Variants in SMOX observed in about 807,000 individuals in gnomAD.
The protein encoded by SMOX is flavin containing amine oxidase.
Under a neutral mutation model 51.0 loss-of-function variants are expected in SMOX, and 22 were observed. The ratio of observed to expected loss-of-function variants is 0.43; its 90% confidence interval spans 0.31 to 0.62. The LOEUF is 0.62. SMOX is among the 20% of genes least tolerant of loss of function. The probability of loss-of-function intolerance (pLI) is 0.10; values close to 1 mark genes in which losing one functional copy is unlikely to be tolerated. For missense variants in SMOX, 566 were observed against 777.7 expected, an observed-to-expected ratio of 0.73 and a Z score of 3.24; for synonymous variants, 282 against 307.8, an observed-to-expected ratio of 0.92 and a Z score of 0.88.
intron 3 of SMOX, among the ~76,000 whole-genome samples, chr20:4,180,717 C>T (rs1259005011): frequency 6.6e-6 from 1 of 151,558 alleles, no homozygotes. Context: ...GGATTCCTGA[C>T]TGCTTCTCCA....
rs192617819 is a variant in SMOX, at chr20:4,164,778, G to A, written c.-26-10252G>A. Reference sequence around the variant, plus strand: ...CAGGAGACTTTTTTTCTAAGGAAGCGGGCAGCTGTGAGCACCATCGCCTGT... The same window carrying A: ...CAGGAGACTTTTTTTCTAAGGAAGCAGGCAGCTGTGAGCACCATCGCCTGT... On this transcript the variant is annotated intron_variant, in intron 1 of 6. Coordinates refer to ENST00000305958, the MANE Select transcript of SMOX (RefSeq NM_175839.3). Among the ~76,000 whole-genome samples the A allele has an allele frequency of 2.8e-4, 43 of 152,176 alleles. No individual in the cohort carries two copies. The East Asian group carries it at 7.0e-3, about 25-fold the overall frequency.
intron 1 of SMOX, among the ~76,000 whole-genome samples, chr20:4,160,684 G>A (rs992171658): frequency 6.6e-6 from 1 of 152,200 alleles, no homozygotes; most frequent in African/African-American, 2.4e-5. Flanking sequence ...GATCATGCAT[G>A]CCACCTTGGC....
chr20:4,175,008 G>A (rs777895051), intron 1 of SMOX, 22 bp from the exon 2 acceptor site: 1 of 1,607,764 alleles, frequency 6.2e-7, no homozygotes, highest in Non-Finnish European at 8.5e-7. Context: ...CCACTAAGCT[G>A]TGACACCTCC....
rs1978465884 is a variant in SMOX at position 4,172,361 on chromosome 20, C to T, written c.-26-2669C>T. ...CCCGGCCCGGCTGGCAGACATCCGGCGGCATCGCCGCTGACCCTCCCCGCC... is the reference window on the plus strand; with the variant it reads ...CCCGGCCCGGCTGGCAGACATCCGGTGGCATCGCCGCTGACCCTCCCCGCC... On this transcript the variant is annotated intron_variant, in intron 1 of 6. Coordinates refer to ENST00000305958, the MANE Select transcript of SMOX (RefSeq NM_175839.3). The surrounding 1 kb of genome is among the most constrained non-coding windows in gnomAD (Gnocchi z 7.7). Among the ~76,000 whole-genome samples, 1 of 152,174 alleles carries T rather than the reference C, an allele frequency of 6.6e-6. No homozygotes were observed. The highest frequency in any genetic ancestry group is 2.1e-4 in the South Asian group (1 of 4,838).
Position 4,187,664 on chromosome 20 carries a change from T to C in SMOX, c.*257T>C, listed in dbSNP as rs911753838. On this transcript the variant is annotated 3_prime_UTR_variant, in exon 7 of 7. Transcript: ENST00000305958. The surrounding 1 kb of genome is among the most constrained non-coding windows in gnomAD (Gnocchi z 4.8). ...GCCTACCCTCTGTCCTGCCTTGTTATTGTAAGTGCCTTCAATACTTTGCAT... is the reference window on the plus strand; with the variant it reads ...GCCTACCCTCTGTCCTGCCTTGTTACTGTAAGTGCCTTCAATACTTTGCAT... The C allele has an allele frequency of 1.3e-4, 58 of 451,212 alleles. No homozygotes were observed. Among genetic ancestry groups the C allele is most frequent in the African/African-American group, 1.1e-3 (54 of 51,176 alleles). 28.0% of individuals were successfully genotyped at this position (451,212 alleles called of 1,614,324 possible).
Position 4,181,268 on chromosome 20 carries a change from G to A in SMOX, c.436-535G>A, listed in dbSNP as rs545535931. Among the ~76,000 whole-genome samples, 111 of 152,302 alleles carry A rather than the reference G, an allele frequency of 7.3e-4. 1 individual carries two copies. Among genetic ancestry groups the A allele is most frequent in the African/African-American group, 2.6e-3 (109 of 41,562 alleles). On this transcript the variant is annotated intron_variant, in intron 3 of 6. Coordinates refer to ENST00000305958, the MANE Select transcript of SMOX (RefSeq NM_175839.3). This position sits in a 1 kb window ranked among gnomAD's most constrained non-coding sequence, Gnocchi z 5.6. ...GGCTGAGGCCTGAAGCAAAGGGGGT[G>A]CTTTGTACGGAGCTGCACAGGCCCA...
At chr20:4,156,529 G>T (rs1986027623) in intron 1 of SMOX, among the ~76,000 whole-genome samples, 1 of 152,126 alleles carries the variant, frequency 6.6e-6, no homozygotes. Flanking sequence ...AGTGCCTGGT[G>T]GGACCTCAAC....
chr20:4,169,036 C>G (rs1425110946), intron 1 of SMOX, among the ~76,000 whole-genome samples: 1 of 152,030 alleles, frequency 6.6e-6, no homozygotes, highest in Non-Finnish European at 1.5e-5. Flanking sequence ...CAACCTTGAA[C>G]TCCCAGGCTC....
Position 4,177,346 on chromosome 20 carries a change from C to T in SMOX, c.209-5C>T. On this transcript the variant is annotated splice_region_variant and splice_polypyrimidine_tract_variant and intron_variant, in intron 2 of 6. Coordinates refer to ENST00000305958, the MANE Select transcript of SMOX (RefSeq NM_175839.3). This position sits in a 1 kb window ranked among gnomAD's most constrained non-coding sequence, Gnocchi z 4.3. ...CCTCTAAGGGCCTGCTGTTGTCACC[C>T]TCAGGACACGCCACCTTTGAGCTGG... is the stretch of plus-strand genomic sequence containing the variant. 6.4e-7 allele frequency: 1 copy of T among 1,551,710 alleles called. No homozygotes were observed. Among genetic ancestry groups the T allele is most frequent in the Non-Finnish European group, 8.7e-7 (1 of 1,146,992 alleles).
At chr20:4,180,109 A>G (rs1285518162) in intron 3 of SMOX, among the ~76,000 whole-genome samples, 1 of 152,236 alleles carries the variant, frequency 6.6e-6, no homozygotes, top group Non-Finnish European at 1.5e-5. Flanking sequence ...GCAAATTGAA[A>G]GCCTGACCCT....
At chr20:4,171,450 GGAT>G (rs1182280575) in intron 1 of SMOX, among the ~76,000 whole-genome samples, 1 of 152,094 alleles carries the variant, frequency 6.6e-6, no homozygotes, top group African/African-American at 2.4e-5. Context: ...TGGCTCCATG[GGAT>G]GATATCAGGG....
At chr20:4,178,338 A>G (rs1044530274) in intron 3 of SMOX, among the ~76,000 whole-genome samples, 1 of 152,258 alleles carries the variant, frequency 6.6e-6, no homozygotes, top group South Asian at 2.1e-4. Flanking sequence ...CACCCGGCCT[A>G]ATTTCTTAAT....
Position 4,183,777 on chromosome 20 carries a change from G to A in SMOX, c.1530+123G>A, listed in dbSNP as rs1424480524. Reference sequence around the variant, plus strand: ...GGTGCTCAGGTGAGGCAGGGATGGAGTAGCTTCTGTAATGAGAGAGAACAC... The same window carrying A: ...GGTGCTCAGGTGAGGCAGGGATGGAATAGCTTCTGTAATGAGAGAGAACAC... On this transcript the variant is annotated intron_variant, in intron 6 of 6. Transcript: ENST00000305958. The surrounding 1 kb of genome is among the most constrained non-coding windows in gnomAD (Gnocchi z 4.3). 7 of 1,113,948 alleles carry A rather than the reference G, an allele frequency of 6.3e-6. No individual in the cohort carries two copies. The Admixed American group carries it at 1.4e-4, about 22-fold the overall frequency. 69.0% of individuals were successfully genotyped at this position (1,113,948 alleles called of 1,614,324 possible).
At chr20:4,154,578 G>A (rs946777242) in intron 1 of SMOX, among the ~76,000 whole-genome samples, 3 of 152,052 alleles carry the variant, frequency 2.0e-5, no homozygotes, top group African/African-American at 7.2e-5. Flanking sequence ...GGTCAGGCTG[G>A]TCTCGAACTC....
intron 2 of SMOX, among the ~76,000 whole-genome samples, chr20:4,175,672 C>A (rs1191465382): frequency 2.6e-5 from 4 of 152,100 alleles, no homozygotes; most frequent in Admixed American, 2.6e-4. Flanking sequence ...GCAGTAGGAT[C>A]CTGGGTTAGC....
intron 6 of SMOX, among the ~76,000 whole-genome samples, chr20:4,184,587 TA>T (rs1448932714): frequency 1.2e-5 from 1 of 84,056 alleles, no homozygotes; most frequent in East Asian, 3.4e-4. Context: ...CAGTAAATGT[TA>T]AAACTCAACA....
chr20:4,163,404 G>T (rs1239478399), intron 1 of SMOX, among the ~76,000 whole-genome samples: 1 of 152,198 alleles, frequency 6.6e-6, no homozygotes, highest in African/African-American at 2.4e-5. Context: ...TTTCAGAACA[G>T]CGGGGTCTGA....
intron 1 of SMOX, among the ~76,000 whole-genome samples, chr20:4,168,986 C>T (rs912042216): frequency 6.7e-6 from 1 of 149,888 alleles, no homozygotes; most frequent in African/African-American, 2.5e-5. Context: ...CTTGCTCTGT[C>T]GCCCAGACTA....
chr20:4,187,145 C>G lies in SMOX; in HGVS notation c.1531-125C>G. ...GCTCTTCATCCTGTGGAAGCAGCAG[C>G]ACCTGCGTCTCAGAGCCTCTCTAAT... On this transcript the variant is annotated intron_variant, in intron 6 of 6. Coordinates refer to ENST00000305958, the MANE Select transcript of SMOX (RefSeq NM_175839.3). This position sits in a 1 kb window ranked among gnomAD's most constrained non-coding sequence, Gnocchi z 4.8. 1 of 1,236,230 alleles carries G rather than the reference C, an allele frequency of 8.1e-7. No homozygotes were observed. The highest frequency in any genetic ancestry group is 1.5e-5 in the South Asian group (1 of 64,564). The allele number at this position is 1,236,230 out of a possible 1,614,324, so 76.6% of individuals were successfully genotyped here. A position where few individuals can be genotyped will look rare whatever the true frequency, so the allele number is the denominator to read the frequency against.
Sources: allele counts gnomAD v4.1 joint callset (sites outside exome capture counted in the v4.1 genomes callset), GRCh38; gene constraint gnomAD v4.1.1; non-coding constraint Gnocchi (gnomAD v3.1); transcripts MANE v1.5; gene names NCBI Gene and HGNC (gene_info 2026-07-23, HGNC 2026-07-21).